Variants in L3MBTL3 observed in about 807,000 individuals in gnomAD.
The protein encoded by L3MBTL3 is L3MBTL histone methyl-lysine binding protein 3.
L3MBTL3 carries 27 observed loss-of-function variants against 102.3 expected under a neutral mutation model. The ratio of observed to expected loss-of-function variants is 0.26; its 90% CI spans 0.19 to 0.36. The LOEUF (loss-of-function observed/expected upper bound fraction) is 0.36, where lower values mean the gene tolerates loss of function less well. Among genes scored for constraint, L3MBTL3 ranks in the 10% least tolerant of loss-of-function variants. L3MBTL3 has a pLI of 1.00. For synonymous variants in L3MBTL3, 340 were observed against 320.9 expected (o/e 1.06, Z -0.64); for missense variants, 798 against 955.3 (o/e 0.84, Z 2.17).
rs78583790 is a variant in L3MBTL3, at chr6:130,068,424, A to G, written c.1092+3A>G. 3.3e-3 allele frequency: 4,944 copies of G among 1,510,126 alleles called. 132 individuals are homozygous for G. The African/African-American group carries it at 0.06, about 18-fold the overall frequency. The allele number at this position is 1,510,126 out of a possible 1,614,324, so 93.5% of individuals were successfully genotyped here. A position where few individuals can be genotyped will look rare whatever the true frequency, so the allele number is the denominator to read the frequency against. On this transcript the variant is annotated splice_donor_region_variant and intron_variant, in intron 12 of 22. Transcript: ENST00000361794. ...CATTATTTGAAAATCAGAATATAGT[A>G]AGTACATACGAAACACGTTTTCTTT...
intron 20 of L3MBTL3, among the ~76,000 whole-genome samples, chr6:130,127,149 A>G (rs1252570966): frequency 6.6e-6 from 1 of 152,212 alleles, no homozygotes; most frequent in Non-Finnish European, 1.5e-5. Context: ...AGAAGAATAG[A>G]TGAAAAGTCT....
chr6:130,031,440 A>C (rs1779718308), intron 2 of L3MBTL3, among the ~76,000 whole-genome samples: 1 of 152,244 alleles, frequency 6.6e-6, no homozygotes, highest in South Asian at 2.1e-4. Flanking sequence ...TGACTCTGGG[A>C]AACTTTGGCT....
chr6:130,042,871 C>T lies in L3MBTL3; in HGVS notation c.102+70C>T. 4 of 1,006,992 alleles carry T rather than the reference C, an allele frequency of 4.0e-6. No individual in the cohort carries two copies. In the South Asian group the frequency reaches 4.0e-5, roughly 10 times the overall value. 62.4% of individuals were successfully genotyped at this position (1,006,992 alleles called of 1,614,324 possible). A position where few individuals can be genotyped will look rare whatever the true frequency, so the allele number is the denominator to read the frequency against. On this transcript the variant is annotated intron_variant, in intron 3 of 22. Transcript: ENST00000361794. The stretch of plus-strand genomic sequence containing the variant: ...GCGTATGCTTACTTAAAATTGGATA[C>T]ATATGTGAAATAAAAATTAAAAGCA...
At chr6:130,054,015 G>T (rs1261987088) in intron 7 of L3MBTL3, among the ~76,000 whole-genome samples, 1 of 152,186 alleles carries the variant, frequency 6.6e-6, no homozygotes, top group Admixed American at 6.5e-5. Flanking sequence ...TTAAAATAGG[G>T]CATTAGGATT....
chr6:130,082,560 C>CT (rs1783431426), intron 14 of L3MBTL3, among the ~76,000 whole-genome samples: 1 of 152,120 alleles, frequency 6.6e-6, no homozygotes, highest in South Asian at 2.1e-4. Flanking sequence ...TTTCAGTGTC[C>CT]TTTTGAAATG....
rs201360276 is a variant in L3MBTL3 at position 130,140,059 on chromosome 6, T to TGG, written c.*311_*312dup. 7.0e-6 allele frequency: 1 copy of TGG among 142,934 alleles called. No individual in the cohort carries two copies. Among genetic ancestry groups the TGG allele is most frequent in the African/African-American group, 2.8e-5 (1 of 35,310 alleles). 8.9% of individuals were successfully genotyped at this position (142,934 alleles called of 1,614,324 possible). On this transcript the variant is annotated 3_prime_UTR_variant, in exon 23 of 23. Coordinates refer to ENST00000361794, the MANE Select transcript of L3MBTL3 (RefSeq NM_032438.4). Reference sequence around the variant, plus strand: ...GGGCTTCATTAATTATTTATGGTAATGGGGGGCAGAGTAAGAACTTTTGGC... The same window carrying TGG: ...GGGCTTCATTAATTATTTATGGTAATGGGGGGGGCAGAGTAAGAACTTTTGGC...
intron 14 of L3MBTL3, 139 bp downstream of exon 14, chr6:130,078,773 A>G (rs1478963652): frequency 1.7e-6 from 1 of 595,156 alleles, no homozygotes; most frequent in Non-Finnish European, 3.0e-6. Flanking sequence ...AAACAGTTGT[A>G]GTGCAAAAAC....
chr6:130,066,302 ATG>A, intron 10 of L3MBTL3, 49 bp from the exon 11 acceptor site: 1 of 791,168 alleles, frequency 1.3e-6, no homozygotes, highest in African/African-American at 1.7e-5. Context: ...ATATATATAT[ATG>A]AATATTCTGA....
intron 5 of L3MBTL3, 96 bp downstream of exon 5, chr6:130,049,926 G>A: frequency 6.9e-7 from 1 of 1,440,076 alleles, no homozygotes; most frequent in Non-Finnish European, 9.3e-7. Context: ...CCATATTTCA[G>A]TTGACAATAG....
intron 8 of L3MBTL3, among the ~76,000 whole-genome samples, chr6:130,057,003 TTTCC>T (rs1781550549): frequency 6.6e-6 from 1 of 152,178 alleles, no homozygotes; most frequent in Non-Finnish European, 1.5e-5. Context: ...TACTGATTGT[TTTCC>T]TTCCTTTTCA....
intron 2 of L3MBTL3, among the ~76,000 whole-genome samples, chr6:130,028,852 A>G (rs1019792624): frequency 6.6e-6 from 1 of 152,104 alleles, no homozygotes; most frequent in African/African-American, 2.4e-5. Context: ...AGTTTCTTGG[A>G]GTGGTGATGT....
chr6:130,076,617 C>G (rs1175601820), intron 13 of L3MBTL3, among the ~76,000 whole-genome samples: 1 of 151,858 alleles, frequency 6.6e-6, no homozygotes, highest in African/African-American at 2.4e-5. Context: ...ACATAAAAAC[C>G]CAGAAGAAAG....
intron 12 of L3MBTL3, among the ~76,000 whole-genome samples, 190 bp downstream of exon 12, chr6:130,068,611 A>G (rs914954218): frequency 6.6e-6 from 1 of 152,210 alleles, no homozygotes; most frequent in Non-Finnish European, 1.5e-5. Flanking sequence ...TAGCCATATT[A>G]TGGTTGTCTC....
chr6:130,131,205 C>T (rs1320247788), intron 20 of L3MBTL3, among the ~76,000 whole-genome samples: 4 of 148,908 alleles, frequency 2.7e-5, no homozygotes, highest in Admixed American at 1.3e-4. Context: ...GAAATAAGCC[C>T]TTTACAAAAG....
intron 8 of L3MBTL3, among the ~76,000 whole-genome samples, chr6:130,055,988 C>T (rs369947348): frequency 4.8e-5 from 7 of 145,416 alleles, no homozygotes; most frequent in African/African-American, 1.8e-4. Flanking sequence ...AGTATGGTGG[C>T]GCAATCTCGG....
Position 130,107,714 on chromosome 6 carries a change from T to C in L3MBTL3, c.1886+3139T>C, listed in dbSNP as rs899238038. Among the ~76,000 whole-genome samples, 4 of 152,372 alleles carry C rather than the reference T, an allele frequency of 2.6e-5. No homozygotes were observed. The East Asian group carries it at 7.7e-4, about 29-fold the overall frequency. The stretch of plus-strand genomic sequence containing the variant: ...TGCTGTCAGTGATGCCAACCTTTTT[T>C]CTGTTTAGTACTGTCTTAGTTATAG... On this transcript the variant is annotated intron_variant, in intron 19 of 22. Coordinates refer to ENST00000361794, the MANE Select transcript of L3MBTL3 (RefSeq NM_032438.4).
In L3MBTL3 at chr6:130,094,332, C is replaced by T. The variant is rs769657800; in HGVS notation, c.1701C>T (p.Gly567=). The part of the protein sequence containing the change: ...GCSTPGCKGI[G]HFKRARHLGP... ...CAACCCCGGGATGTAAAGGGATTGGCCATTTCAAGAGAGCGAGACATCTGG... is the reference window on the plus strand; with the variant it reads ...CAACCCCGGGATGTAAAGGGATTGGTCATTTCAAGAGAGCGAGACATCTGG... The change falls in exon 18 of 23, where the codon GGC becomes GGT. Residue 567 remains glycine, a synonymous_variant. Transcript: ENST00000361794. 20 of 1,613,512 alleles carry T rather than the reference C, an allele frequency of 1.2e-5. 1 individual carries two copies. The South Asian group carries it at 2.2e-4, about 18-fold the overall frequency.
intron 20 of L3MBTL3, among the ~76,000 whole-genome samples, chr6:130,128,059 TTAAA>T (rs751131979): frequency 2.0e-5 from 3 of 152,198 alleles, no homozygotes; most frequent in Non-Finnish European, 2.9e-5. Flanking sequence ...CAACATAATG[TTAAA>T]TATTCTCTCT....
chr6:130,059,707 G>A (rs1781766379), intron 9 of L3MBTL3, among the ~76,000 whole-genome samples: 1 of 152,200 alleles, frequency 6.6e-6, no homozygotes, highest in South Asian at 2.1e-4. Context: ...TACCAGCACA[G>A]TGTTGTCAAA....
Sources: allele counts gnomAD v4.1 joint callset (sites outside exome capture counted in the v4.1 genomes callset), GRCh38; gene constraint gnomAD v4.1.1; transcripts MANE v1.5; gene names NCBI Gene and HGNC (gene_info 2026-07-23, HGNC 2026-07-21).